Variants in CDH19 observed in about 807,000 individuals in gnomAD.
The protein encoded by CDH19 is cadherin-19.
Under a neutral mutation model 64.2 loss-of-function variants are expected in CDH19, and 67 were observed. The ratio of observed to expected loss-of-function variants is 1.04; its 90% CI spans 0.86 to 1.28. The LOEUF (loss-of-function observed/expected upper bound fraction) is 1.28. Among genes scored for constraint, CDH19 ranks in the 50% most tolerant of loss-of-function variants. The pLI is 0.00. For synonymous variants in CDH19, 346 were observed against 319.3 expected, an observed-to-expected ratio of 1.08 and a Z score of -0.89; for missense variants, 1,030 against 929.0, an observed-to-expected ratio of 1.11 and a Z score of -1.41.
At chr18:66,508,855 AC>A (rs1215068441) in intron 11 of CDH19, 139 bp downstream of exon 11, 6 of 891,242 alleles carry the variant, frequency 6.7e-6, no homozygotes, top group Non-Finnish European at 1.0e-5. Context: ...GTACACACAG[AC>A]CCACATTATA....
intron 9 of CDH19, among the ~76,000 whole-genome samples, chr18:66,527,237 G>T (rs2144405545): frequency 6.6e-6 from 1 of 151,884 alleles, no homozygotes; most frequent in South Asian, 2.1e-4. Flanking sequence ...CTATATCCAT[G>T]TGGTTAGTAT....
chr18:66,532,708 A>G (rs1388596970), intron 8 of CDH19: 2 of 451,794 alleles, frequency 4.4e-6, no homozygotes, highest in Non-Finnish European at 8.9e-6. Flanking sequence ...CAGCATCCCT[A>G]TATCCTAGAT....
intron 3 of CDH19, among the ~76,000 whole-genome samples, chr18:66,563,748 A>G (rs1487852022): frequency 2.6e-5 from 4 of 151,914 alleles, no homozygotes; most frequent in African/African-American, 7.2e-5. Context: ...TCGAAGTGAA[A>G]CTCAGGAAAC....
rs767976019 is a variant in CDH19, at chr18:66,511,660, T to C, written c.1484A>G (p.Asp495Gly). 1.9e-6 allele frequency: 3 copies of C among 1,559,642 alleles called. No individual in the cohort carries two copies. In the African/African-American group the frequency reaches 4.1e-5, roughly 21 times the overall value. Reference protein sequence around the residue: ...GQVIQTISAVDRDESIEEHHF... With the variant: ...GQVIQTISAVGRDESIEEHHF... Reference sequence around the variant, plus strand: ...GTGCTCTTCTATGGATTCATCTCTATCCACTGCACTGATAGTCTGAATTAC... The same window carrying C: ...GTGCTCTTCTATGGATTCATCTCTACCCACTGCACTGATAGTCTGAATTAC... The change falls in exon 10 of 12, where the codon GAT becomes GGT. Residue 495 changes from aspartate (D) to glycine (G), a missense_variant. Physicochemically the swap from Asp to Gly is moderately conservative, Grantham distance 94 (BLOSUM62 -1). Transcript: ENST00000262150.
chr18:66,567,023 G>A (rs548228956), intron 3 of CDH19, among the ~76,000 whole-genome samples: 104 of 151,632 alleles, frequency 6.9e-4, no homozygotes, highest in African/African-American at 2.2e-3. Flanking sequence ...AAAATGTCCC[G>A]TTTCCTCCAG....
chr18:66,547,977 A>G (rs571370069), intron 5 of CDH19, among the ~76,000 whole-genome samples: 1 of 147,970 alleles, frequency 6.8e-6, no homozygotes, highest in South Asian at 2.1e-4. Context: ...TAGGTTTTAA[A>G]TGTGTAATAT....
At chr18:66,536,138 C>T (rs73539703) in intron 7 of CDH19, among the ~76,000 whole-genome samples, 2,588 of 151,182 alleles carry the variant, frequency 0.017, 65 homozygotes, top group African/African-American at 0.057. Flanking sequence ...AATTAAAGAG[C>T]AATAATAACT....
chr18:66,563,057 A>G (rs1038369155), intron 3 of CDH19, among the ~76,000 whole-genome samples: 4 of 152,116 alleles, frequency 2.6e-5, no homozygotes, highest in African/African-American at 9.6e-5. Context: ...GTCACATAGA[A>G]TGCTTTATCC....
intron 2 of CDH19, among the ~76,000 whole-genome samples, chr18:66,571,777 G>C (rs2144580774): frequency 6.6e-6 from 1 of 151,732 alleles, no homozygotes; most frequent in East Asian, 1.9e-4. Flanking sequence ...AATGAGGGCT[G>C]CATTTTCATA....
chr18:66,538,209 T>C (rs1986748945), intron 7 of CDH19, among the ~76,000 whole-genome samples: 1 of 152,142 alleles, frequency 6.6e-6, no homozygotes. Flanking sequence ...CCAAAATTAC[T>C]TAGGTTGTAT....
At chr18:66,594,348 C>T (rs1304206415) in intron 1 of CDH19, among the ~76,000 whole-genome samples, 1 of 152,038 alleles carries the variant, frequency 6.6e-6, no homozygotes, top group Non-Finnish European at 1.5e-5. Context: ...CAGTATCAGA[C>T]ACACTAATGA....
chr18:66,590,452 A>G (rs979922576), intron 1 of CDH19, among the ~76,000 whole-genome samples: 1 of 151,782 alleles, frequency 6.6e-6, no homozygotes, highest in African/African-American at 2.4e-5. Flanking sequence ...AAGACAAAGA[A>G]TTTTGCTTTC....
Position 66,509,124 on chromosome 18 carries a change from T to C in CDH19, c.1699A>G (p.Thr567Ala). The part of the protein sequence containing the change: ...IPSLTSTNTL[T>A]IHVCDCGDSG... ...TCACCACAGTCACAGACATGGATGGTAAGGGTGTTTGTACTTGTAAGTGAC... is the reference window on the plus strand; with the variant it reads ...TCACCACAGTCACAGACATGGATGGCAAGGGTGTTTGTACTTGTAAGTGAC... Residue 567 changes from threonine (T) to alanine (A), a missense_variant, in exon 11 of 12, where the codon ACC (threonine) becomes GCC (alanine). Thr to Ala is a moderately conservative substitution (Grantham distance 58). Coordinates refer to ENST00000262150, the MANE Select transcript of CDH19 (RefSeq NM_021153.4). 6.2e-7 allele frequency: 1 copy of C among 1,612,960 alleles called. No homozygotes were observed. Among genetic ancestry groups the C allele is most frequent in the Non-Finnish European group, 8.5e-7 (1 of 1,179,320 alleles).
chr18:66,569,751 G>A (rs117123079), intron 2 of CDH19, among the ~76,000 whole-genome samples: 8 of 151,696 alleles, frequency 5.3e-5, no homozygotes, highest in South Asian at 2.1e-4. Context: ...CCTAATCATT[G>A]TGAATCCACA....
Position 66,544,809 on chromosome 18 carries a change from T to G in CDH19, c.870A>C (p.Glu290Asp). The change falls in exon 6 of 12, where the codon GAA (glutamate) becomes GAC (aspartate). Residue 290 changes from glutamate (E) to aspartate (D), a missense_variant. By Grantham distance (45) the Glu-to-Asp change is conservative. Coordinates refer to ENST00000262150, the MANE Select transcript of CDH19 (RefSeq NM_021153.4). The stretch of plus-strand genomic sequence containing the variant: ...CATCCTCTTCAATGCTGTAATCCAT[T>G]TCTGCATTCTCTCCTATGTCATTAT... The part of the protein sequence containing the change: ...AYDNDIGENA[E>D]MDYSIEEDDS... 6.2e-7 allele frequency: 1 copy of G among 1,612,698 alleles called. No homozygotes were observed. Among genetic ancestry groups the G allele is most frequent in the Non-Finnish European group, 8.5e-7 (1 of 1,178,766 alleles).
intron 5 of CDH19, among the ~76,000 whole-genome samples, chr18:66,548,270 A>ATTT (rs1568191848): frequency 1.4e-5 from 2 of 140,060 alleles, no homozygotes; most frequent in African/African-American, 5.9e-5. Flanking sequence ...TATTTTTTTA[A>ATTT]AAATATATAA....
intron 9 of CDH19, among the ~76,000 whole-genome samples, chr18:66,513,364 G>A (rs1416705619): frequency 6.6e-6 from 1 of 151,430 alleles, no homozygotes; most frequent in African/African-American, 2.4e-5. Flanking sequence ...CCTTTTAAAT[G>A]ATCATGTCTC....
At chr18:66,579,574 A>C (rs1479785049) in intron 1 of CDH19, among the ~76,000 whole-genome samples, 1 of 152,000 alleles carries the variant, frequency 6.6e-6, no homozygotes, top group African/African-American at 2.4e-5. Context: ...GCATTGATCT[A>C]CCACAAAATT....
rs550156083 is a variant in CDH19 at position 66,599,774 on chromosome 18, T to A, written c.-113+4180A>T. 2.0e-4 allele frequency among the ~76,000 whole-genome samples: 31 copies of A among 152,150 alleles called. 1 individual carries two copies. In the South Asian group the frequency reaches 6.4e-3, roughly 32 times the overall value. The stretch of plus-strand genomic sequence containing the variant: ...ATTAATGGCATGAATATAGGATAAA[T>A]AAATTTCTACTTTTTAATTCCCAAA... On this transcript the variant is annotated intron_variant, in intron 1 of 11. Transcript: ENST00000262150.
Sources: allele counts gnomAD v4.1 joint callset (sites outside exome capture counted in the v4.1 genomes callset), GRCh38; gene constraint gnomAD v4.1.1; transcripts MANE v1.5; gene names NCBI Gene and HGNC (gene_info 2026-07-23, HGNC 2026-07-21).